PTPRT: variants seen among roughly 807,000 people sequenced by gnomAD.
PTPRT encodes the protein protein tyrosine phosphatase receptor type T.
PTPRT carries 56 observed loss-of-function variants against 176.8 expected under a neutral mutation model. That is an observed-to-expected ratio of 0.32 (90% CI 0.26 to 0.40). The LOEUF is 0.40. Among genes scored for constraint, PTPRT ranks in the 10% least tolerant of loss-of-function variants. PTPRT has a pLI of 1.00. For missense variants in PTPRT, 1,540 were observed against 1,908.2 expected (o/e 0.81, Z 3.60); for synonymous variants, 783 against 739.0 (o/e 1.06, Z -0.96).
At chr20:42,604,305 T>C (rs1350589231) in intron 7 of PTPRT, among the ~76,000 whole-genome samples, 1 of 152,190 alleles carries the variant, frequency 6.6e-6, no homozygotes, top group Non-Finnish European at 1.5e-5. Context: ...CCTTCCTCTC[T>C]GTTAAAATAA....
chr20:43,094,540 A>G (rs2012046060), intron 1 of PTPRT, among the ~76,000 whole-genome samples: 1 of 151,836 alleles, frequency 6.6e-6, no homozygotes, highest in Non-Finnish European at 1.5e-5. Flanking sequence ...CTGGGATTAC[A>G]GGCATGTGCC....
chr20:42,541,865 T>A (rs914972113), intron 7 of PTPRT, among the ~76,000 whole-genome samples: 7 of 151,452 alleles, frequency 4.6e-5, no homozygotes, highest in African/African-American at 1.7e-4. Flanking sequence ...AAAATCTGTG[T>A]GGCTAAAATT....
chr20:42,266,225 G>A (rs904617912), intron 13 of PTPRT, among the ~76,000 whole-genome samples: 1 of 152,180 alleles, frequency 6.6e-6, no homozygotes, highest in African/African-American at 2.4e-5. Flanking sequence ...TTTAAGGAAT[G>A]GAGTTTGGGC....
At chr20:42,045,720 A>G in the PTPRT span, among the ~76,000 whole-genome samples, 1 of 151,972 alleles carries the variant, frequency 6.6e-6, no homozygotes, top group Non-Finnish European at 1.5e-5. Context: ...ACTGAGACTT[A>G]CAGACACCAC....
At chr20:42,554,113 G>GA (rs923559533) in intron 7 of PTPRT, among the ~76,000 whole-genome samples, 1 of 152,078 alleles carries the variant, frequency 6.6e-6, no homozygotes, top group East Asian at 1.9e-4. Flanking sequence ...TGGGAGAAGA[G>GA]AAAAGAGTCC....
intron 2 of PTPRT, among the ~76,000 whole-genome samples, chr20:42,816,164 T>C (rs953772263): frequency 6.6e-6 from 1 of 152,134 alleles, no homozygotes; most frequent in Non-Finnish European, 1.5e-5. Context: ...GTAGGACAGG[T>C]GGCTCTGGAA....
chr20:42,107,710 C>T (rs1432469496), intron 23 of PTPRT, among the ~76,000 whole-genome samples: 1 of 152,156 alleles, frequency 6.6e-6, no homozygotes, highest in Non-Finnish European at 1.5e-5. Context: ...TCAAGGAGGC[C>T]CCCTTCCGCT....
At chr20:42,238,816 C>G (rs534399457) in intron 14 of PTPRT, among the ~76,000 whole-genome samples, 4 of 152,180 alleles carry the variant, frequency 2.6e-5, no homozygotes, top group African/African-American at 9.6e-5. Context: ...ATACAATAAG[C>G]CTTAGCATCT....
At chr20:42,321,811 C>T (rs1395113919) in intron 11 of PTPRT, among the ~76,000 whole-genome samples, 7 of 152,106 alleles carry the variant, frequency 4.6e-5, no homozygotes, top group Non-Finnish European at 7.4e-5. Context: ...AGGTCGAGCG[C>T]GGTGGCTCAC....
chr20:42,834,618 T>G (rs3091511), intron 2 of PTPRT, among the ~76,000 whole-genome samples: 2,029 of 152,312 alleles, frequency 0.013, 54 homozygotes, highest in African/African-American at 0.046. Flanking sequence ...GCAAATGTTA[T>G]TCAGGTTGTG....
At chr20:43,160,794 G>A (rs2014672296) in intron 1 of PTPRT, among the ~76,000 whole-genome samples, 2 of 152,166 alleles carry the variant, frequency 1.3e-5, no homozygotes, top group Non-Finnish European at 2.9e-5. Flanking sequence ...CCAGGAAGGT[G>A]CCAGTATAAG....
At chr20:43,019,767 A>G (rs1985566901) in intron 1 of PTPRT, among the ~76,000 whole-genome samples, 4 of 151,936 alleles carry the variant, frequency 2.6e-5, no homozygotes, top group Admixed American at 2.6e-4. Flanking sequence ...GAGGGCCCAG[A>G]TGGAATAAAA....
intron 1 of PTPRT, among the ~76,000 whole-genome samples, chr20:43,038,123 G>C (rs1986459692): frequency 6.6e-6 from 1 of 151,260 alleles, no homozygotes; most frequent in South Asian, 2.1e-4. Flanking sequence ...TAACATGTTT[G>C]ATTAAGGAGC....
At chr20:42,381,140 GCCCTACCT>G (rs927754554) in intron 9 of PTPRT, among the ~76,000 whole-genome samples, 4 of 152,236 alleles carry the variant, frequency 2.6e-5, no homozygotes, top group Middle Eastern at 3.4e-3. Flanking sequence ...CTTCCACCAG[GCCCTACCT>G]CCCTACCTCC....
chr20:42,626,595 T>C (rs2074293526), intron 7 of PTPRT, among the ~76,000 whole-genome samples: 1 of 152,332 alleles, frequency 6.6e-6, no homozygotes, highest in South Asian at 2.1e-4. Context: ...CATCCTGCCT[T>C]GACCAGCCCC....
Position 42,916,527 on chromosome 20 carries a change from G to A in PTPRT, c.89-30595C>T, listed in dbSNP as rs1600553501. On this transcript the variant is annotated intron_variant, in intron 1 of 30. Transcript: ENST00000373187. ...ATGCTATTTCTAGTTCTAGATCCCT[G>A]AGGAATCGCCACACTGACTTCCACA... Among the ~76,000 whole-genome samples, 4 of 152,188 alleles carry A rather than the reference G, an allele frequency of 2.6e-5. No individual in the cohort carries two copies. In the South Asian group the frequency reaches 6.2e-4, roughly 24 times the overall value.
chr20:42,528,295 C>G (rs2072314984), intron 7 of PTPRT, among the ~76,000 whole-genome samples: 1 of 152,010 alleles, frequency 6.6e-6, no homozygotes, highest in Non-Finnish European at 1.5e-5. Flanking sequence ...CATATACCAT[C>G]TAATAGCACC....
intron 2 of PTPRT, among the ~76,000 whole-genome samples, chr20:42,842,324 T>C (rs2078292711): frequency 6.6e-6 from 1 of 152,232 alleles, no homozygotes; most frequent in Non-Finnish European, 1.5e-5. Context: ...ACAAGGGAGC[T>C]GAGTAGCTAC....
intron 7 of PTPRT, among the ~76,000 whole-genome samples, chr20:42,610,500 G>C (rs956330726): frequency 6.6e-6 from 1 of 151,718 alleles, no homozygotes; most frequent in African/African-American, 2.4e-5. Flanking sequence ...GATTACAGGC[G>C]TGAGCCACCA....
Sources: allele counts gnomAD v4.1 joint callset (sites outside exome capture counted in the v4.1 genomes callset), GRCh38; gene constraint gnomAD v4.1.1; transcripts MANE v1.5; gene names NCBI Gene and HGNC (gene_info 2026-07-23, HGNC 2026-07-21).